Variants in UMAD1 observed in about 807,000 individuals in gnomAD.
UMAD1 encodes UBAP1-MVB12-associated (UMA) domain containing 1.
UMAD1 carries 8 observed loss-of-function variants against 6.1 expected under a neutral mutation model. The ratio of observed to expected loss-of-function variants is 1.30; its 90% CI spans 0.76 to 2.35. The LOEUF is 2.35. UMAD1 is among the 30% of genes most tolerant of loss of function. UMAD1 has a pLI of 0.00. For missense variants in UMAD1, 130 were observed against 78.4 expected (o/e 1.66, Z -2.49); for synonymous variants, 56 against 31.4 (o/e 1.78, Z -2.61).
chr7:7,703,994 A>G (rs1780530988), intron 2 of UMAD1, among the ~76,000 whole-genome samples: 1 of 152,126 alleles, frequency 6.6e-6, no homozygotes, highest in South Asian at 2.1e-4. Context: ...GGAAGGAAAG[A>G]AAAGAAAAGA....
At chr7:7,831,756 G>C (rs796265048) in intron 3 of UMAD1, among the ~76,000 whole-genome samples, 3 of 152,180 alleles carry the variant, frequency 2.0e-5, no homozygotes, top group African/African-American at 7.2e-5. Context: ...ATTAATTAAT[G>C]TTTGTAAAGT....
intron 2 of UMAD1, among the ~76,000 whole-genome samples, chr7:7,682,890 G>T (rs1779947467): frequency 1.3e-5 from 2 of 152,168 alleles, no homozygotes; most frequent in Admixed American, 1.3e-4. Flanking sequence ...AAGAAATGTG[G>T]AGTTGTGTGT....
intron 2 of UMAD1, among the ~76,000 whole-genome samples, chr7:7,795,745 G>A (rs563901896): frequency 6.6e-5 from 10 of 152,282 alleles, no homozygotes; most frequent in Non-Finnish European, 1.3e-4. Flanking sequence ...CAGTCATGAC[G>A]TTGGTGGGAG....
chr7:7,643,012 TA>T (rs1419382058), intron 1 of UMAD1, among the ~76,000 whole-genome samples: 1 of 152,182 alleles, frequency 6.6e-6, no homozygotes, highest in African/African-American at 2.4e-5. Flanking sequence ...ACGTAGATCA[TA>T]TTTTTTTTTC....
chr7:7,692,455 C>T (rs1463995531), intron 2 of UMAD1: 2 of 152,180 alleles, frequency 1.3e-5, no homozygotes, highest in African/African-American at 4.8e-5. Context: ...GGGCACCCAC[C>T]TGCCTCTAAG....
At chr7:7,862,737 C>T (rs997688885) in intron 3 of UMAD1, among the ~76,000 whole-genome samples, 3 of 152,170 alleles carry the variant, frequency 2.0e-5, no homozygotes, top group Non-Finnish European at 2.9e-5. Context: ...TATAGCGGCA[C>T]AGTCTTTATT....
At position 7,853,792 on chromosome 7, in the gene UMAD1, A is replaced by G. The variant is rs374490437; in HGVS notation, c.157-23489A>G. Among the ~76,000 whole-genome samples, 9 of 152,264 alleles carry G rather than the reference A, an allele frequency of 5.9e-5. No individual in the cohort carries two copies. The East Asian group carries it at 1.5e-3, about 26-fold the overall frequency. ...TTCCTTCCTAATTTAGATAACTATT[A>G]TTATTGTCATCGAGATCTTGCTTAA... On this transcript the variant is annotated intron_variant, in intron 3 of 3. Coordinates refer to ENST00000682710, the MANE Select transcript of UMAD1 (RefSeq NM_001302348.2).
chr7:7,875,439 T>G (rs150749716), intron 3 of UMAD1, among the ~76,000 whole-genome samples: 1 of 151,518 alleles, frequency 6.6e-6, no homozygotes, highest in Non-Finnish European at 1.5e-5. Context: ...AGATGGACCA[T>G]TAACCAGACT....
chr7:7,802,893 T>G (rs1782830496), intron 3 of UMAD1, among the ~76,000 whole-genome samples: 1 of 152,182 alleles, frequency 6.6e-6, no homozygotes, highest in Admixed American at 6.5e-5. Flanking sequence ...ATATTTATAT[T>G]TTTCACCGTG....
intron 1 of UMAD1, among the ~76,000 whole-genome samples, chr7:7,664,106 C>G (rs911064393): frequency 6.6e-6 from 1 of 152,152 alleles, no homozygotes; most frequent in African/African-American, 2.4e-5. Context: ...TTATTTAAAA[C>G]CTAGATTTTT....
At chr7:7,779,611 C>T (rs1037002075) in intron 2 of UMAD1, among the ~76,000 whole-genome samples, 3 of 151,848 alleles carry the variant, frequency 2.0e-5, no homozygotes, top group African/African-American at 7.3e-5. Context: ...TTTTTTTCCT[C>T]TTCATTTTCT....
intron 3 of UMAD1, among the ~76,000 whole-genome samples, chr7:7,843,678 A>T (rs1296391661): frequency 6.6e-6 from 1 of 152,190 alleles, no homozygotes; most frequent in Non-Finnish European, 1.5e-5. Flanking sequence ...AAGACCCAGT[A>T]AAAAAGAGTT....
chr7:7,828,842 C>G (rs563512576), intron 3 of UMAD1, among the ~76,000 whole-genome samples: 1 of 152,186 alleles, frequency 6.6e-6, no homozygotes, highest in African/African-American at 2.4e-5. Flanking sequence ...ACAAGAAAAT[C>G]GACTGGCCCA....
intron 2 of UMAD1, among the ~76,000 whole-genome samples, chr7:7,731,471 G>C (rs1040814960): frequency 2.3e-5 from 3 of 129,286 alleles, no homozygotes; most frequent in African/African-American, 3.0e-5. Context: ...AAAAGGAAAA[G>C]CAAACAAACA....
chr7:7,706,340 C>A lies in UMAD1; in HGVS notation c.82+32887C>A, dbSNP rs573794850. Among the ~76,000 whole-genome samples the A allele has an allele frequency of 5.3e-5, 8 of 152,184 alleles. 1 individual carries two copies. The highest frequency in any genetic ancestry group is 1.9e-4 in the African/African-American group (8 of 41,542). ...TAGTGAGGCTGCTCATGTTATCACC[C>A]TAGTCTGGGTTTGCTGGTTAGAGCA... On this transcript the variant is annotated intron_variant, in intron 2 of 3. Transcript: ENST00000682710.
At chr7:7,709,442 T>G (rs1397027427) in intron 2 of UMAD1, among the ~76,000 whole-genome samples, 2 of 152,186 alleles carry the variant, frequency 1.3e-5, no homozygotes, top group African/African-American at 4.8e-5. Flanking sequence ...ACTTAAAGCA[T>G]TGCCACCCGA....
rs1785376942 is a variant in UMAD1 at position 7,657,723 on chromosome 7, T to G, written c.-63-15586T>G. On this transcript the variant is annotated intron_variant, in intron 1 of 3. Transcript: ENST00000682710. ...TGTTTTGGTTACTGTAGTCTTGTAG[T>G]ATAGTTTGAAGTCAGGTAGTGTGAT... is the stretch of plus-strand genomic sequence containing the variant. Among the ~76,000 whole-genome samples, 3 of 152,238 alleles carry G rather than the reference T, an allele frequency of 2.0e-5. No individual in the cohort carries two copies. In the South Asian group the frequency reaches 6.2e-4, roughly 31 times the overall value.
At chr7:7,641,124 G>C (rs1195533893) in intron 1 of UMAD1, 1 of 152,396 alleles carries the variant, frequency 6.6e-6, no homozygotes, top group African/African-American at 2.4e-5. Flanking sequence ...TGTTGGCTGA[G>C]GGTCGATTTA....
intron 3 of UMAD1, among the ~76,000 whole-genome samples, chr7:7,856,185 C>G (rs896570030): frequency 2.6e-5 from 4 of 152,234 alleles, no homozygotes; most frequent in African/African-American, 9.6e-5. Context: ...TATCAGGTAT[C>G]TTAAGCTATG....
Sources: gnomAD v4.1 joint callset for allele counts (sites outside exome capture counted in the v4.1 genomes callset) on GRCh38, gnomAD v4.1.1 for gene constraint, MANE v1.5 for transcripts, NCBI Gene and HGNC (gene_info 2026-07-23, HGNC 2026-07-21) for gene names.